The following KCNJ4 variants were observed in gnomAD, a reference collection of about 807,000 sequenced individuals.
KCNJ4 encodes the protein potassium inwardly rectifying channel subfamily J member 4, also known as inward rectifier potassium channel 4.
Under a neutral mutation model 25.6 loss-of-function variants are expected in KCNJ4, and 3 were observed. The ratio of observed to expected loss-of-function variants is 0.12; its 90% confidence interval spans 0.05 to 0.30. The LOEUF (loss-of-function observed/expected upper bound fraction) is 0.30, where lower values mean the gene tolerates loss of function less well. Ranked by LOEUF, KCNJ4 falls within the 10% of genes least tolerant of loss-of-function variation. The pLI, the probability that KCNJ4 is intolerant of heterozygous loss-of-function variation, is 1.00. For missense variants in KCNJ4, 286 were observed against 666.8 expected, an observed-to-expected ratio of 0.43 and a Z score of 6.29; for synonymous variants, 257 against 283.9, an observed-to-expected ratio of 0.91 and a Z score of 0.95.
At chr22:38,441,276 A>AC (rs2089330615) in intron 1 of KCNJ4, among the ~76,000 whole-genome samples, 1 of 152,090 alleles carries the variant, frequency 6.6e-6, no homozygotes, top group Non-Finnish European at 1.5e-5. Context: ...CCCAGCCAGA[A>AC]AGGGGGAAAT....
chr22:38,454,705 G>T (rs536000352), intron 1 of KCNJ4, among the ~76,000 whole-genome samples: 9 of 152,130 alleles, frequency 5.9e-5, no homozygotes, highest in Admixed American at 2.0e-4. Context: ...GCTGGGGCAG[G>T]AGGTCAAGAC....
chr22:38,450,868 TGCCA>T, intron 1 of KCNJ4, among the ~76,000 whole-genome samples: 1 of 152,282 alleles, frequency 6.6e-6, no homozygotes, highest in East Asian at 1.9e-4. Context: ...GACCATCTCC[TGCCA>T]AGCCCCAGCC....
At position 38,443,133 on chromosome 22, in the gene KCNJ4, C is replaced by T. The variant is rs568558812; in HGVS notation, c.-40+11847G>A. Among the ~76,000 whole-genome samples, 6 of 152,174 alleles carry T rather than the reference C, an allele frequency of 3.9e-5. No homozygotes were observed. The highest frequency in any genetic ancestry group is 1.3e-4 in the Admixed American group (2 of 15,280). ...AGCTCCTCTGTGCCCCCTTCCCTCT[C>T]AGCAGCTCTGATGGAGGCTCTGGAC... is the stretch of plus-strand genomic sequence containing the variant. On this transcript the variant is annotated intron_variant, in intron 1 of 1. Coordinates refer to ENST00000303592, the MANE Select transcript of KCNJ4 (RefSeq NM_152868.3). The surrounding 1 kb of genome is among the most constrained non-coding windows in gnomAD (Gnocchi z 4.1).
At chr22:38,438,072 C>A (rs1350202777) in intron 1 of KCNJ4, among the ~76,000 whole-genome samples, 1 of 151,822 alleles carries the variant, frequency 6.6e-6, no homozygotes, top group Admixed American at 6.6e-5. Context: ...AACCCTGTCT[C>A]TACTAAAAAT....
chr22:38,436,216 T>C (rs1190500281), intron 1 of KCNJ4, among the ~76,000 whole-genome samples: 1 of 152,232 alleles, frequency 6.6e-6, no homozygotes, highest in Non-Finnish European at 1.5e-5. Flanking sequence ...GCACACCACG[T>C]GCCCAGCCCA....
intron 1 of KCNJ4, among the ~76,000 whole-genome samples, chr22:38,433,222 C>T (rs983788088): frequency 3.9e-5 from 6 of 152,134 alleles, no homozygotes; most frequent in East Asian, 1.9e-4. Context: ...CCAAGGCGGG[C>T]GGATGACCTG....
intron 1 of KCNJ4, among the ~76,000 whole-genome samples, chr22:38,451,839 G>C (rs992705963): frequency 6.6e-6 from 1 of 152,048 alleles, no homozygotes; most frequent in Non-Finnish European, 1.5e-5. Context: ...TCCCCCTCAG[G>C]CCTCAGTTTC....
At chr22:38,432,528 C>T (rs2093053379) in intron 1 of KCNJ4, among the ~76,000 whole-genome samples, 1 of 152,082 alleles carries the variant, frequency 6.6e-6, no homozygotes. Context: ...GGCATCAGGT[C>T]CTCCTCCAAT....
At chr22:38,442,083 G>A (rs1602641120) in intron 1 of KCNJ4, among the ~76,000 whole-genome samples, 1 of 152,092 alleles carries the variant, frequency 6.6e-6, no homozygotes, top group African/African-American at 2.4e-5. Flanking sequence ...TGGCTGCTCC[G>A]GGGAGGGAAA....
At chr22:38,444,322 T>C (rs750352649) in intron 1 of KCNJ4, among the ~76,000 whole-genome samples, 3 of 152,182 alleles carry the variant, frequency 2.0e-5, no homozygotes, top group East Asian at 1.9e-4. Context: ...AACTGGGTCA[T>C]GTGACACATT....
chr22:38,448,121 C>A (rs1002928177), intron 1 of KCNJ4, among the ~76,000 whole-genome samples: 19 of 151,422 alleles, frequency 1.3e-4, no homozygotes, highest in African/African-American at 3.9e-4. Context: ...TGGCGCATGC[C>A]TGTAGTCCCA....
intron 1 of KCNJ4, among the ~76,000 whole-genome samples, chr22:38,454,722 C>T (rs1235193230): frequency 6.6e-6 from 1 of 152,242 alleles, no homozygotes; most frequent in African/African-American, 2.4e-5. Flanking sequence ...AGACCCCTTC[C>T]ACCCACCTCT....
intron 1 of KCNJ4, among the ~76,000 whole-genome samples, chr22:38,448,683 T>C (rs2089392400): frequency 6.6e-6 from 1 of 152,056 alleles, no homozygotes; most frequent in African/African-American, 2.4e-5. Context: ...CAGGAGCAGC[T>C]CCGGGTTGAG....
chr22:38,448,070 A>G (rs113753985), intron 1 of KCNJ4, among the ~76,000 whole-genome samples: 5 of 150,544 alleles, frequency 3.3e-5, no homozygotes, highest in African/African-American at 7.3e-5. Flanking sequence ...AAAAAAAAAA[A>G]AAAAGAAAAG....
chr22:38,431,477 C>G (rs1404260324), intron 1 of KCNJ4, among the ~76,000 whole-genome samples: 8 of 152,232 alleles, frequency 5.3e-5, no homozygotes, highest in Non-Finnish European at 1.5e-5. Context: ...TGGTTTACCC[C>G]TCACCCCGGT....
rs768416979 is a variant in KCNJ4 at position 38,449,947 on chromosome 22, T to C, written c.-40+5033A>G. Among the ~76,000 whole-genome samples, 1 of 152,176 alleles carries C rather than the reference T, an allele frequency of 6.6e-6. No individual in the cohort carries two copies. The highest frequency in any genetic ancestry group is 1.5e-5 in the Non-Finnish European group (1 of 68,024). On this transcript the variant is annotated intron_variant, in intron 1 of 1. Coordinates refer to ENST00000303592, the MANE Select transcript of KCNJ4 (RefSeq NM_152868.3). The surrounding 1 kb of genome is among the most constrained non-coding windows in gnomAD (Gnocchi z 5.2). ...ATGCTGCACCCCACCCACCACCCCG[T>C]GAGCGCCCGTGTGCGCGCCTGCAGG...
chr22:38,427,427 G>T lies in KCNJ4; in HGVS notation c.706C>A (p.Pro236Thr), dbSNP rs754155135. ...ACGTTGAGGTCCCGCTGGTCCAGGG[G>T]CAGGTACTCGCCCTCCTGGGTCATG... The part of the protein sequence containing the change: ...PYMTQEGEYL[P>T]LDQRDLNVGY... The change falls in exon 2 of 2, where the codon CCC becomes ACC. Residue 236 changes from proline to threonine, a missense_variant. Pro to Thr is a conservative substitution (Grantham distance 38). Around this residue, in one of 11 missense-constraint regions of KCNJ4, gnomAD observed 39 missense variants for 100.9 expected, o/e 0.39. Transcript: ENST00000303592. 6.2e-7 allele frequency: 1 copy of T among 1,613,738 alleles called. No homozygotes were observed. The highest frequency in any genetic ancestry group is 1.3e-5 in the African/African-American group (1 of 74,942).
chr22:38,426,832 A>G lies in KCNJ4; in HGVS notation c.1301T>C (p.Leu434Pro), dbSNP rs1378986575. The G allele has an allele frequency of 6.2e-7, 1 of 1,613,190 alleles. No homozygotes were observed. Among genetic ancestry groups the G allele is most frequent in the Admixed American group, 1.7e-5 (1 of 60,020 alleles). The change falls in exon 2 of 2, where the codon CTG becomes CCG. Residue 434 changes from leucine (L) to proline (P), a missense_variant. Physicochemically the swap from Leu to Pro is moderately conservative, Grantham distance 98. Around this residue, in one of 11 missense-constraint regions of KCNJ4, gnomAD observed 77 missense variants for 97.6 expected, o/e 0.79. Coordinates refer to ENST00000303592, the MANE Select transcript of KCNJ4 (RefSeq NM_152868.3). ...DLERMQASLP[L>P]DNISYRRESA... ...CTCCCTGCGGTAGGAGATGTTGTCCAGCGGGAGGGAAGCCTGCATGCGCTC... is the reference window on the plus strand; with the variant it reads ...CTCCCTGCGGTAGGAGATGTTGTCCGGCGGGAGGGAAGCCTGCATGCGCTC...
chr22:38,429,656 G>T (rs1193768434), intron 1 of KCNJ4, among the ~76,000 whole-genome samples: 1 of 152,130 alleles, frequency 6.6e-6, no homozygotes, highest in East Asian at 1.9e-4. Context: ...AGCAGAAGAG[G>T]CCCCTCACCC....
Sources: gnomAD v4.1 joint callset for allele counts (sites outside exome capture counted in the v4.1 genomes callset) on GRCh38, gnomAD v4.1.1 for gene constraint, gnomAD v4.1.1 regional missense constraint, Gnocchi (gnomAD v3.1) non-coding constraint, MANE v1.5 for transcripts, NCBI Gene and HGNC (gene_info 2026-07-23, HGNC 2026-07-21) for gene names.